The following STARD13 variants were observed in gnomAD, a reference collection of about 807,000 sequenced individuals.
STARD13 encodes StAR related lipid transfer domain containing 13.
In STARD13, 62 loss-of-function variants were observed where a neutral mutation model predicts 106.4. The ratio of observed to expected loss-of-function variants is 0.58; its 90% CI spans 0.48 to 0.72. The LOEUF (loss-of-function observed/expected upper bound fraction) is 0.72. Among genes scored for constraint, STARD13 ranks in the 30% least tolerant of loss-of-function variants. STARD13 has a pLI of 0.00. For missense variants in STARD13, 1,387 were observed against 1,424.0 expected (o/e 0.97, Z 0.42); for synonymous variants, 565 against 553.0 (o/e 1.02, Z -0.31).
chr13:33,577,735 A>G, the STARD13 span, among the ~76,000 whole-genome samples: 1 of 152,142 alleles, frequency 6.6e-6, no homozygotes, highest in Non-Finnish European at 1.5e-5. Context: ...ATAGCCCTCA[A>G]TGGAAAATGC....
At chr13:33,359,171 T>G in the STARD13 span, among the ~76,000 whole-genome samples, 27 of 152,172 alleles carry the variant, frequency 1.8e-4, no homozygotes, top group African/African-American at 6.3e-4. Context: ...TGCAATAAAT[T>G]TTGCTACTGC....
At chr13:33,621,652 C>G in the STARD13 span, among the ~76,000 whole-genome samples, 3 of 133,030 alleles carry the variant, frequency 2.3e-5, no homozygotes, top group Non-Finnish European at 4.6e-5. Context: ...TGCACTCCAG[C>G]CTGGGCGACA....
At chr13:33,329,087 T>A (rs1401006999) in intron 1 of STARD13, among the ~76,000 whole-genome samples, 1 of 152,258 alleles carries the variant, frequency 6.6e-6, no homozygotes, top group Non-Finnish European at 1.5e-5. Flanking sequence ...TTCTTGCCTC[T>A]AGTCAGTATG....
At chr13:33,637,960 A>G in the STARD13 span, among the ~76,000 whole-genome samples, 1 of 152,248 alleles carries the variant, frequency 6.6e-6, no homozygotes, top group East Asian at 1.9e-4. Flanking sequence ...AAAAAAATTC[A>G]TGAAACATCA....
At chr13:33,249,859 G>A (rs1890007942) in intron 1 of STARD13, among the ~76,000 whole-genome samples, 1 of 151,978 alleles carries the variant, frequency 6.6e-6, no homozygotes. Flanking sequence ...GCGCCATCTC[G>A]GCTCACTGCA....
At chr13:33,248,762 T>C (rs759149296) in intron 1 of STARD13, among the ~76,000 whole-genome samples, 52 of 152,226 alleles carry the variant, frequency 3.4e-4, no homozygotes, top group Non-Finnish European at 6.8e-4. Context: ...CATTATCCTT[T>C]CCCTTATTCA....
At chr13:33,371,112 A>G in the STARD13 span, among the ~76,000 whole-genome samples, 3 of 152,138 alleles carry the variant, frequency 2.0e-5, no homozygotes, top group African/African-American at 4.8e-5. Context: ...TCCTCCTTCA[A>G]TGTCAATGCT....
At chr13:33,287,415 ACACAAGAGTCATCATGTCTTTGTTTT>A (rs1231873290), upstream of STARD13, among the ~76,000 whole-genome samples, 1 of 152,206 alleles carries the variant, frequency 6.6e-6, no homozygotes, top group Non-Finnish European at 1.5e-5. Flanking sequence ...TCGGGTGGTT[ACACAAGAGTCATCATGTCTTTGTTTT>A]CAGGTTGGCT....
the STARD13 span, among the ~76,000 whole-genome samples, chr13:33,377,294 G>A: frequency 3.5e-5 from 5 of 144,542 alleles, no homozygotes; most frequent in African/African-American, 1.0e-4. Flanking sequence ...CAAGAGCCAC[G>A]TTCTGGTAAA....
the STARD13 span, among the ~76,000 whole-genome samples, chr13:33,421,310 A>G: frequency 1.3e-5 from 2 of 152,370 alleles, no homozygotes; most frequent in Admixed American, 6.5e-5. Context: ...AGAGAATACT[A>G]TAAACACCTC....
At chr13:33,340,720 A>T (rs1465499318) in intron 1 of STARD13, among the ~76,000 whole-genome samples, 4 of 152,256 alleles carry the variant, frequency 2.6e-5, no homozygotes, top group South Asian at 2.1e-4. Context: ...TTACTAAAGA[A>T]AGATACTGCC....
chr13:33,143,817 C>T (rs1246726386), intron 3 of STARD13, among the ~76,000 whole-genome samples: 2 of 151,860 alleles, frequency 1.3e-5, no homozygotes, highest in Non-Finnish European at 2.9e-5. Flanking sequence ...TCCCAAAGTG[C>T]TGGGATTACA....
At chr13:33,344,889 A>G (rs1392370327), downstream of STARD13, among the ~76,000 whole-genome samples, 2 of 152,232 alleles carry the variant, frequency 1.3e-5, no homozygotes, top group East Asian at 3.8e-4. Context: ...TAAAGCAGAG[A>G]ATCAGAAAGC....
the STARD13 span, among the ~76,000 whole-genome samples, chr13:33,528,243 CATATATATATATACATATATATATATAT>C: frequency 3.2e-5 from 3 of 93,480 alleles, no homozygotes; most frequent in South Asian, 6.0e-4. Context: ...TATATATATA[CATATATATATATACATATATATATATAT>C]ATACTCTTTT....
the STARD13 span, among the ~76,000 whole-genome samples, chr13:33,380,478 AC>A: frequency 4.4e-3 from 259 of 58,734 alleles, 3 homozygotes; most frequent in African/African-American, 0.016. Context: ...CCCACCCCCC[AC>A]CCCCCCCACA....
chr13:33,118,655 T>G (rs1048249112), intron 7 of STARD13, among the ~76,000 whole-genome samples: 3 of 152,208 alleles, frequency 2.0e-5, no homozygotes, highest in African/African-American at 7.2e-5. Context: ...TAAAATTCCC[T>G]GCCCTTTAGG....
intron 7 of STARD13, among the ~76,000 whole-genome samples, chr13:33,124,017 G>A (rs1876770365): frequency 6.6e-6 from 1 of 152,204 alleles, no homozygotes; most frequent in Non-Finnish European, 1.5e-5. Context: ...CCACAGAAGT[G>A]CTGTTGGCGA....
At chr13:33,268,341 T>C (rs1342191509) in intron 1 of STARD13, among the ~76,000 whole-genome samples, 1 of 152,236 alleles carries the variant, frequency 6.6e-6, no homozygotes, top group Non-Finnish European at 1.5e-5. Flanking sequence ...TTTATGTATT[T>C]ATCTAAGCTC....
chr13:33,667,295 G>A, the STARD13 span, among the ~76,000 whole-genome samples: 7,664 of 152,218 alleles, frequency 0.05, 656 homozygotes, highest in African/African-American at 0.17. Context: ...TCCATGGTAG[G>A]GATGCTGCTG....
Sources: gnomAD v4.1 joint callset for allele counts (sites outside exome capture counted in the v4.1 genomes callset) on GRCh38, gnomAD v4.1.1 for gene constraint, MANE v1.5 for transcripts, NCBI Gene and HGNC (gene_info 2026-07-23, HGNC 2026-07-21) for gene names.